The following RNGTT variants were observed in gnomAD, a reference collection of about 807,000 sequenced individuals.
RNGTT encodes RNA guanylyltransferase and 5'-phosphatase.
In RNGTT, 33 loss-of-function variants were observed where a neutral mutation model predicts 79.3. The ratio of observed to expected loss-of-function variants is 0.42; its 90% confidence interval spans 0.32 to 0.56. RNGTT has a LOEUF of 0.56. Ranked by LOEUF, RNGTT falls within the 20% of genes least tolerant of loss-of-function variation. RNGTT has a pLI of 0.17. For synonymous variants in RNGTT, 222 were observed against 235.9 expected (o/e 0.94, Z 0.54); for missense variants, 497 against 739.1 (o/e 0.67, Z 3.80).
chr6:88,924,421 G>A (rs142191240), intron 4 of RNGTT, among the ~76,000 whole-genome samples: 1 of 152,232 alleles, frequency 6.6e-6, no homozygotes, highest in African/African-American at 2.4e-5. Context: ...ACTTACTGGT[G>A]TATAAGATAT....
chr6:88,666,545 C>T (rs1032741760), intron 14 of RNGTT, among the ~76,000 whole-genome samples: 6 of 152,220 alleles, frequency 3.9e-5, no homozygotes, highest in Non-Finnish European at 8.8e-5. Flanking sequence ...CTGTGAAAAT[C>T]CCCATATAAC....
intron 14 of RNGTT, among the ~76,000 whole-genome samples, chr6:88,645,116 G>T (rs940032560): frequency 6.6e-6 from 1 of 152,180 alleles, no homozygotes; most frequent in Non-Finnish European, 1.5e-5. Flanking sequence ...ATTGTCTTCA[G>T]CCCAAAATCT....
intron 1 of RNGTT, among the ~76,000 whole-genome samples, chr6:88,960,024 C>G (rs1785564970): frequency 6.6e-6 from 1 of 152,166 alleles, no homozygotes; most frequent in Non-Finnish European, 1.5e-5. Flanking sequence ...TCTGGGAAGT[C>G]TCACCTGATC....
intron 13 of RNGTT, among the ~76,000 whole-genome samples, chr6:88,731,677 A>C (rs1375154484): frequency 6.6e-6 from 1 of 152,182 alleles, no homozygotes; most frequent in East Asian, 1.9e-4. Context: ...GGCAACCTAC[A>C]GATGGAAAAA....
At chr6:88,864,713 G>A (rs1782114609) in intron 8 of RNGTT, among the ~76,000 whole-genome samples, 1 of 152,112 alleles carries the variant, frequency 6.6e-6, no homozygotes, top group Non-Finnish European at 1.5e-5. Flanking sequence ...ATGGAGGGAT[G>A]AATAAGCAAA....
intron 14 of RNGTT, among the ~76,000 whole-genome samples, chr6:88,616,514 CTTTT>C (rs369868166): frequency 2.7e-5 from 4 of 149,554 alleles, no homozygotes; most frequent in African/African-American, 9.8e-5. Flanking sequence ...GTTTTTGTTC[CTTTT>C]TTTTTTAAAA....
In RNGTT at chr6:88,757,315, T is replaced by A. The variant is rs2127833824; in HGVS notation, c.1439+12459A>T. 2.6e-5 allele frequency among the ~76,000 whole-genome samples: 4 copies of A among 152,278 alleles called. No homozygotes were observed. In the South Asian group the frequency reaches 8.3e-4, roughly 32 times the overall value. On this transcript the variant is annotated intron_variant, in intron 13 of 15. Transcript: ENST00000369485. Reference sequence around the variant, plus strand: ...TATTAGTATCAAGCTAGGATGAATTTAGGATTAAAAGCAATAAAAAGAAGT... The same window carrying A: ...TATTAGTATCAAGCTAGGATGAATTAAGGATTAAAAGCAATAAAAAGAAGT...
intron 14 of RNGTT, among the ~76,000 whole-genome samples, chr6:88,631,541 T>C (rs190881734): frequency 6.6e-6 from 1 of 152,294 alleles, no homozygotes; most frequent in East Asian, 1.9e-4. Context: ...GCTCTAGAGG[T>C]GTCCCTCCCT....
chr6:88,684,605 A>C (rs147070448), intron 13 of RNGTT, among the ~76,000 whole-genome samples: 1 of 152,342 alleles, frequency 6.6e-6, no homozygotes, highest in Non-Finnish European at 1.5e-5. Flanking sequence ...CAGTATAAGA[A>C]GTCAATCTTA....
At chr6:88,774,032 T>C (rs1484079920) in intron 12 of RNGTT, among the ~76,000 whole-genome samples, 2 of 152,128 alleles carry the variant, frequency 1.3e-5, no homozygotes, top group African/African-American at 2.4e-5. Context: ...ACCTACAGAA[T>C]GGGAGAAAAT....
intron 12 of RNGTT, among the ~76,000 whole-genome samples, chr6:88,798,827 T>A (rs553575210): frequency 3.3e-5 from 5 of 152,354 alleles, no homozygotes; most frequent in South Asian, 2.1e-4. Flanking sequence ...AACAGAAATC[T>A]ACCACAAACA....
Position 88,844,390 on chromosome 6 carries a change from A to G in RNGTT, c.1236T>C (p.Asn412=). 1 of 1,613,580 alleles carries G rather than the reference A, an allele frequency of 6.2e-7. No individual in the cohort carries two copies. Among genetic ancestry groups the G allele is most frequent in the South Asian group, 1.1e-5 (1 of 90,842 alleles). ...AAGTACAGATGTCAAAAAACGGCTT[A>G]TTTCTGACGCTAAATGGTTCCTGTG... ...DKTQEPFSVR[N]KPFFDICTSR... is the part of the protein sequence containing the mutation. Residue 412 remains asparagine, a synonymous_variant, in exon 11 of 16, where the codon AAT becomes AAC. Coordinates refer to ENST00000369485, the MANE Select transcript of RNGTT (RefSeq NM_003800.5).
At chr6:88,633,460 C>T (rs942250108) in intron 14 of RNGTT, among the ~76,000 whole-genome samples, 12 of 152,122 alleles carry the variant, frequency 7.9e-5, no homozygotes, top group African/African-American at 2.9e-4. Context: ...CTCTGGAAAG[C>T]CCTTTCTGAT....
At chr6:88,757,355 C>T (rs1462331013) in intron 13 of RNGTT, among the ~76,000 whole-genome samples, 1 of 152,048 alleles carries the variant, frequency 6.6e-6, no homozygotes, top group African/African-American at 2.4e-5. Context: ...GATTTAATAA[C>T]AAAAAGCATG....
At position 88,610,841 on chromosome 6, in the gene RNGTT, T is replaced by G. The variant is rs772878902; in HGVS notation, c.*1878A>C. 3 of 152,242 alleles carry G rather than the reference T, an allele frequency of 2.0e-5. No individual in the cohort carries two copies. The highest frequency in any genetic ancestry group is 4.4e-5 in the Non-Finnish European group (3 of 68,042). 9.4% of individuals were successfully genotyped at this position (152,242 alleles called of 1,614,324 possible). The stretch of plus-strand genomic sequence containing the variant: ...ATTGGCAAAAGCTTGCTTTCGTATC[T>G]GCAAAAGGGCTCTGCCTTTCCACAG... On this transcript the variant is annotated 3_prime_UTR_variant, in exon 16 of 16. Transcript: ENST00000369485.
chr6:88,953,073 G>A lies in RNGTT; in HGVS notation c.64+10273C>T, dbSNP rs114159754. Among the ~76,000 whole-genome samples, 302 of 152,124 alleles carry A rather than the reference G, an allele frequency of 2.0e-3. 1 individual carries two copies. Among genetic ancestry groups the A allele is most frequent in the African/African-American group, 6.9e-3 (287 of 41,492 alleles). ...ATGATAAAACAGGGTTCTATAAAAC[G>A]CCCCAAAAATCATACTAGCTCCCCA... On this transcript the variant is annotated intron_variant, in intron 1 of 15. Coordinates refer to ENST00000369485, the MANE Select transcript of RNGTT (RefSeq NM_003800.5).
At chr6:88,675,932 T>C (rs928783711) in intron 14 of RNGTT, among the ~76,000 whole-genome samples, 2 of 152,158 alleles carry the variant, frequency 1.3e-5, no homozygotes, top group African/African-American at 2.4e-5. Context: ...TAGAGAGCAA[T>C]GTGGCCTTAA....
intron 13 of RNGTT, among the ~76,000 whole-genome samples, chr6:88,700,400 GT>G (rs1183878618): frequency 6.6e-6 from 1 of 152,020 alleles, no homozygotes; most frequent in Admixed American, 6.6e-5. Context: ...TATATTCTCA[GT>G]TTTCCTTCCT....
intron 14 of RNGTT, among the ~76,000 whole-genome samples, chr6:88,634,604 T>G (rs1026694220): frequency 1.3e-4 from 20 of 152,102 alleles, no homozygotes; most frequent in African/African-American, 4.8e-4. Flanking sequence ...CCCTTAAAAT[T>G]CATCATTTTA....
Sources: allele counts gnomAD v4.1 joint callset (sites outside exome capture counted in the v4.1 genomes callset), GRCh38; gene constraint gnomAD v4.1.1; transcripts MANE v1.5; gene names NCBI Gene and HGNC (gene_info 2026-07-23, HGNC 2026-07-21).